Variants in HDX observed in about 807,000 individuals in gnomAD.
HDX encodes the protein highly divergent homeobox, also known as chromosome X open reading frame 43.
In HDX, 19 loss-of-function variants were observed where a neutral mutation model predicts 45.2. The ratio of observed to expected loss-of-function variants is 0.42; its 90% CI spans 0.29 to 0.62. The LOEUF (loss-of-function observed/expected upper bound fraction) is 0.62. HDX is among the 20% of genes least tolerant of loss of function. The probability of loss-of-function intolerance (pLI) is 0.20; values close to 1 mark genes in which losing one functional copy is unlikely to be tolerated. For missense variants in HDX, 532 were observed against 493.9 expected, an observed-to-expected ratio of 1.08 and a Z score of -0.73; for synonymous variants, 188 against 172.8, an observed-to-expected ratio of 1.09 and a Z score of -0.69.
In HDX at chrX:84,416,319, A is replaced by G. The variant is rs187447847; in HGVS notation, c.1305+24213T>C. ...ATCAGCAATAAGCCAAACTTGATTA[A>G]CTACTGGTGATTTATTGGTGGAATG... On this transcript the variant is annotated intron_variant, in intron 5 of 10. Coordinates refer to ENST00000373177, the MANE Select transcript of HDX (RefSeq NM_001177479.2). Among the ~76,000 whole-genome samples, 209 of 111,529 alleles carry G rather than the reference A, an allele frequency of 1.9e-3. 1 individual carries two copies. The highest frequency in any genetic ancestry group is 6.5e-3 in the African/African-American group (199 of 30,710).
At chrX:84,375,089 T>C (rs2147886785) in intron 5 of HDX, among the ~76,000 whole-genome samples, 1 of 102,653 alleles carries the variant, frequency 9.7e-6, no homozygotes, top group East Asian at 3.0e-4. Context: ...GCAAAGGATA[T>C]GAACAGACAC....
At chrX:84,406,135 C>T (rs2038814389) in intron 5 of HDX, among the ~76,000 whole-genome samples, 1 of 110,591 alleles carries the variant, frequency 9.0e-6, no homozygotes, top group South Asian at 3.8e-4. Flanking sequence ...TAACTTCAGA[C>T]TCTATCTGTT....
chrX:84,419,713 C>T (rs7051599), intron 5 of HDX, among the ~76,000 whole-genome samples: 7,742 of 111,366 alleles, frequency 0.07, 321 homozygotes, highest in African/African-American at 0.16. Flanking sequence ...TAGGTGATAC[C>T]CAATGCTGTG....
intron 2 of HDX, among the ~76,000 whole-genome samples, chrX:84,477,886 T>C (rs1342853086): frequency 9.0e-6 from 1 of 111,674 alleles, no homozygotes; most frequent in African/African-American, 3.3e-5. Flanking sequence ...AGTGCTGAAG[T>C]AACAATTTAT....
chrX:84,372,689 C>A (rs1305302108), intron 5 of HDX, among the ~76,000 whole-genome samples: 2 of 111,832 alleles, frequency 1.8e-5, no homozygotes, highest in Non-Finnish European at 3.8e-5. Flanking sequence ...GAGAATTGTT[C>A]TTGTAAAATG....
intron 4 of HDX, among the ~76,000 whole-genome samples, chrX:84,457,050 C>T (rs1290230144): frequency 9.0e-6 from 1 of 111,656 alleles, no homozygotes; most frequent in African/African-American, 3.2e-5. Context: ...CAAATCATTT[C>T]ATCCAGTGGC....
chrX:84,382,792 C>T (rs1316594007), intron 5 of HDX, among the ~76,000 whole-genome samples: 1 of 110,899 alleles, frequency 9.0e-6, no homozygotes, highest in Non-Finnish European at 1.9e-5. Flanking sequence ...GATAGCACAA[C>T]AGGATGACTG....
chrX:84,483,021 C>T (rs2040720130), intron 2 of HDX, among the ~76,000 whole-genome samples: 1 of 112,137 alleles, frequency 8.9e-6, no homozygotes, highest in African/African-American at 3.2e-5. Context: ...TCCTTTGACT[C>T]CATGTCCCAC....
In HDX at chrX:84,487,977, C is replaced by A. The variant is rs1251243771; in HGVS notation, c.-1+47G>T. 2.7e-5 allele frequency: 3 copies of A among 111,695 alleles called. No individual in the cohort carries two copies. The East Asian group carries it at 8.4e-4, about 31-fold the overall frequency. The allele number at this position is 111,695 out of a possible 1,213,427, so 9.2% of individuals were successfully genotyped here. ...CATAGTTCCATGAGATGGATCCAGC[C>A]TTGGGTCAAAGTCTCAAGAGAAATG... On this transcript the variant is annotated intron_variant, in intron 2 of 10. Coordinates refer to ENST00000373177, the MANE Select transcript of HDX (RefSeq NM_001177479.2).
chrX:84,419,846 G>T (rs753050512), intron 5 of HDX, among the ~76,000 whole-genome samples: 1 of 112,131 alleles, frequency 8.9e-6, no homozygotes, highest in African/African-American at 3.2e-5. Flanking sequence ...TTGGGAGAAA[G>T]TAAGGCAAGA....
chrX:84,476,998 C>T (rs2040569758), intron 2 of HDX, among the ~76,000 whole-genome samples: 1 of 111,814 alleles, frequency 8.9e-6, no homozygotes, highest in African/African-American at 3.3e-5. Context: ...AAGCCTAAAC[C>T]GAACGAAATT....
intron 10 of HDX, 137 bp downstream of exon 10, chrX:84,326,031 TGTTTGCAAAG>T (rs2036701211): frequency 3.8e-6 from 2 of 527,320 alleles, no homozygotes; most frequent in Admixed American, 3.6e-5. Context: ...TCAAGAAAAC[TGTTTGCAAAG>T]GTCATGAAAT....
intron 7 of HDX, among the ~76,000 whole-genome samples, chrX:84,341,463 A>G (rs1212040934): frequency 1.8e-5 from 2 of 111,205 alleles, no homozygotes; most frequent in African/African-American, 6.5e-5. Flanking sequence ...GAATATTCAC[A>G]TAGATAACAT....
chrX:84,466,924 C>A lies in HDX; in HGVS notation c.1251+1548G>T, dbSNP rs1476538038. On this transcript the variant is annotated intron_variant, in intron 4 of 10. Coordinates refer to ENST00000373177, the MANE Select transcript of HDX (RefSeq NM_001177479.2). ...TTGGTTATATAAAGTGACCAAAGGT[C>A]CCAGCATATGGTCAGCCCTCAACAA... is the stretch of plus-strand genomic sequence containing the variant. 2.2e-4 allele frequency among the ~76,000 whole-genome samples: 25 copies of A among 111,190 alleles called. No homozygotes were observed. The Admixed American group carries it at 2.4e-3, about 11-fold the overall frequency.
chrX:84,502,038 T>C (rs2041130794), intron 1 of HDX, among the ~76,000 whole-genome samples: 1 of 111,388 alleles, frequency 9.0e-6, no homozygotes, highest in Non-Finnish European at 1.9e-5. Flanking sequence ...TTCCTCCTAC[T>C]ACCCGTCCAG....
At chrX:84,496,140 G>A (rs1358918087) in intron 1 of HDX, among the ~76,000 whole-genome samples, 1 of 111,979 alleles carries the variant, frequency 8.9e-6, no homozygotes, top group Admixed American at 9.5e-5. Context: ...TATGACATTG[G>A]TGTAGTTTTT....
At chrX:84,481,899 A>G (rs1805664343) in intron 2 of HDX, among the ~76,000 whole-genome samples, 1 of 110,980 alleles carries the variant, frequency 9.0e-6, no homozygotes, top group Non-Finnish European at 1.9e-5. Flanking sequence ...ATCAGTGTCT[A>G]TTGTTTCCAT....
intron 5 of HDX, among the ~76,000 whole-genome samples, chrX:84,417,102 T>C (rs144733150): frequency 0.11 from 12,012 of 106,968 alleles, 626 homozygotes; most frequent in South Asian, 0.27. Context: ...TGCAGTGAGC[T>C]GAGTTCATAC....
intron 4 of HDX, among the ~76,000 whole-genome samples, chrX:84,457,011 A>G (rs2040125726): frequency 8.9e-6 from 1 of 111,759 alleles, no homozygotes; most frequent in Non-Finnish European, 1.9e-5. Context: ...AATCTGCACC[A>G]TAGACCAAAT....
Sources: allele counts gnomAD v4.1 joint callset (sites outside exome capture counted in the v4.1 genomes callset), GRCh38; gene constraint gnomAD v4.1.1; transcripts MANE v1.5; gene names NCBI Gene and HGNC (gene_info 2026-07-23, HGNC 2026-07-21).